Variants in WNT3A observed in about 807,000 individuals in gnomAD.
WNT3A encodes the protein Wnt family member 3A, also known as protein Wnt-3a.
In WNT3A, 17 loss-of-function variants were observed where a neutral mutation model predicts 37.0. The ratio of observed to expected loss-of-function variants is 0.46; its 90% CI spans 0.31 to 0.69. WNT3A has a LOEUF of 0.69. Among genes scored for constraint, WNT3A ranks in the 30% least tolerant of loss-of-function variants. WNT3A has a pLI of 0.05. For missense variants in WNT3A, 411 were observed against 510.2 expected, an observed-to-expected ratio of 0.81 and a Z score of 1.87; for synonymous variants, 187 against 211.0, an observed-to-expected ratio of 0.89 and a Z score of 0.99.
chr1:228,044,097 T>C (rs1431663412), intron 2 of WNT3A, among the ~76,000 whole-genome samples: 1 of 152,196 alleles, frequency 6.6e-6, no homozygotes, highest in African/African-American at 2.4e-5. Context: ...TCCTCCTGCC[T>C]CAGCGTCCCA....
rs2031208092 is a variant in WNT3A at position 228,038,903 on chromosome 1, C to A, written c.314-11753C>A. Among the ~76,000 whole-genome samples the A allele has an allele frequency of 6.6e-6, 1 of 152,110 alleles. No homozygotes were observed. The highest frequency in any genetic ancestry group is 2.4e-5 in the African/African-American group (1 of 41,414). On this transcript the variant is annotated intron_variant, in intron 2 of 3. Coordinates refer to ENST00000284523, the MANE Select transcript of WNT3A (RefSeq NM_033131.4). The surrounding 1 kb of genome is among the most constrained non-coding windows in gnomAD (Gnocchi z 5.7). ...CAGACCTGGGGAGAGAAGCTGGCTG[C>A]AGTAGGGTGCACTTGGGGGACAGAG... is the stretch of plus-strand genomic sequence containing the variant.
chr1:228,047,260 C>T (rs372578486), intron 2 of WNT3A, among the ~76,000 whole-genome samples: 13 of 152,128 alleles, frequency 8.5e-5, no homozygotes, highest in African/African-American at 3.1e-4. Context: ...TGCTGGGACC[C>T]GCCATCAGGG....
chr1:228,041,125 A>G (rs1033547286), intron 2 of WNT3A, among the ~76,000 whole-genome samples: 3 of 151,820 alleles, frequency 2.0e-5, no homozygotes, highest in African/African-American at 7.3e-5. Flanking sequence ...GTTAGTCCCC[A>G]GATGCTCTCT....
At chr1:228,021,579 T>G (rs75114636) in intron 1 of WNT3A, among the ~76,000 whole-genome samples, 9,027 of 152,252 alleles carry the variant, frequency 0.059, 390 homozygotes, top group Non-Finnish European at 0.094. Context: ...TTATTCACTC[T>G]CCTATTGACG....
At chr1:228,014,871 G>A (rs1285686758) in intron 1 of WNT3A, among the ~76,000 whole-genome samples, 1 of 152,228 alleles carries the variant, frequency 6.6e-6, no homozygotes, top group Non-Finnish European at 1.5e-5. Context: ...AGTGCTTGTG[G>A]GCTGGAGGCA....
chr1:228,050,859 CG>C lies in WNT3A; in HGVS notation c.520del (p.Glu174ArgfsTer10), dbSNP rs1248103771. ...GGTGTCTCGGGAGTTCGCCGACGCC[CG>C]GGAGAACCGGCCAGATGCCCGCTCA... ...GMVSREFADA[R>X]ENRPDARSAM... On this transcript the variant is annotated frameshift_variant, in exon 3 of 4. Transcript: ENST00000284523. LOFTEE classifies it high-confidence loss of function. This position sits in a 1 kb window ranked among gnomAD's most constrained non-coding sequence, Gnocchi z 5.0. The C allele has an allele frequency of 2.5e-6, 4 of 1,591,134 alleles. No individual in the cohort carries two copies. In the Admixed American group the frequency reaches 7.0e-5, roughly 28 times the overall value.
Position 228,059,267 on chromosome 1 carries a change from G to T in WNT3A, c.861G>T (p.Thr287=). The T allele has an allele frequency of 6.2e-7, 1 of 1,602,840 alleles. No individual in the cohort carries two copies. The change falls in exon 4 of 4, where the codon ACG becomes ACT. Residue 287 remains threonine, a synonymous_variant. Transcript: ENST00000284523. ...ACTTCTGCGAGCCCAACCCTGAGAC[G>T]GGCTCCTTCGGCACGCGCGACCGCA... ...SPNFCEPNPE[T]GSFGTRDRTC... is the part of the protein sequence containing the mutation.
Position 228,059,973 on chromosome 1 carries a change from G to T in WNT3A, c.*508G>T. 2.6e-6 allele frequency: 3 copies of T among 1,132,820 alleles called. No homozygotes were observed. The highest frequency in any genetic ancestry group is 1.9e-5 in the South Asian group (1 of 51,802). The allele number at this position is 1,132,820 out of a possible 1,614,324, so 70.2% of individuals were successfully genotyped here. ...CTGAGGGCGGAGCGCCTCCTTAGGA[G>T]TGGGGTTTTATGGTGGATGAGGCTT... On this transcript the variant is annotated 3_prime_UTR_variant, in exon 4 of 4. Transcript: ENST00000284523.
rs560305054 is a variant in WNT3A at position 228,060,449 on chromosome 1, C to T, written c.*984C>T. The T allele has an allele frequency of 9.6e-6, 5 of 519,688 alleles. No individual in the cohort carries two copies. The highest frequency in any genetic ancestry group is 1.4e-4 in the East Asian group (2 of 14,226). 32.2% of individuals were successfully genotyped at this position (519,688 alleles called of 1,614,324 possible). On this transcript the variant is annotated 3_prime_UTR_variant, in exon 4 of 4. Transcript: ENST00000284523. The stretch of plus-strand genomic sequence containing the variant: ...ACCACCCACCTGACCAGGGGCCCTA[C>T]CTGGGGAAAGCCTGAAGGGCCTCCC...
chr1:228,014,346 C>G (rs538633800), intron 1 of WNT3A, among the ~76,000 whole-genome samples: 2 of 152,226 alleles, frequency 1.3e-5, no homozygotes, highest in Non-Finnish European at 2.9e-5. Flanking sequence ...CCATGCCCAC[C>G]TTCCAGGCCT....
Position 228,060,043 on chromosome 1 carries a change from T to C in WNT3A, c.*578T>C, listed in dbSNP as rs1252715381. The C allele has an allele frequency of 1.7e-6, 2 of 1,190,372 alleles. No individual in the cohort carries two copies. The highest frequency in any genetic ancestry group is 1.1e-6 in the Non-Finnish European group (1 of 941,722). 73.7% of individuals were successfully genotyped at this position (1,190,372 alleles called of 1,614,324 possible). A position where few individuals can be genotyped will look rare whatever the true frequency, so the allele number is the denominator to read the frequency against. On this transcript the variant is annotated 3_prime_UTR_variant, in exon 4 of 4. Transcript: ENST00000284523. Reference sequence around the variant, plus strand: ...CTTCTCCTGACCAGGGCAAGGCCCCTTCCACGGGGGCTGTGGCTCTGGGTG... The same window carrying C: ...CTTCTCCTGACCAGGGCAAGGCCCCCTCCACGGGGGCTGTGGCTCTGGGTG...
At chr1:228,043,037 G>A (rs2031325800) in intron 2 of WNT3A, among the ~76,000 whole-genome samples, 1 of 151,900 alleles carries the variant, frequency 6.6e-6, no homozygotes, top group Non-Finnish European at 1.5e-5. Flanking sequence ...ATGGATGGAT[G>A]GATGATGCAC....
At chr1:228,009,059 G>A (rs1336672256) in intron 1 of WNT3A, among the ~76,000 whole-genome samples, 1 of 152,132 alleles carries the variant, frequency 6.6e-6, no homozygotes, top group Admixed American at 6.5e-5. Flanking sequence ...GGGAAGCGGG[G>A]CATAGAACCC....
At chr1:228,015,889 C>G (rs1385605728) in intron 1 of WNT3A, among the ~76,000 whole-genome samples, 1 of 152,122 alleles carries the variant, frequency 6.6e-6, no homozygotes, top group Admixed American at 6.5e-5. Flanking sequence ...CCTGGCCCTG[C>G]CTGCTGGCTG....
chr1:228,015,723 G>A (rs1488935140), intron 1 of WNT3A, among the ~76,000 whole-genome samples: 3 of 36,226 alleles, frequency 8.3e-5, no homozygotes, highest in Non-Finnish European at 1.8e-4. Flanking sequence ...CACCCCCGCC[G>A]CCCAAGTGCT....
At chr1:228,049,828 C>T (rs1471194087) in intron 2 of WNT3A, among the ~76,000 whole-genome samples, 1 of 152,156 alleles carries the variant, frequency 6.6e-6, no homozygotes, top group Non-Finnish European at 1.5e-5. Context: ...CTCTATCACC[C>T]ATGCTGGAGT....
intron 2 of WNT3A, among the ~76,000 whole-genome samples, chr1:228,048,880 C>A (rs1201521329): frequency 6.6e-6 from 1 of 152,178 alleles, no homozygotes; most frequent in Non-Finnish European, 1.5e-5. Flanking sequence ...AAGCCCACAC[C>A]ACCGCTCATT....
At chr1:228,011,156 AG>A (rs1558283024) in intron 1 of WNT3A, among the ~76,000 whole-genome samples, 1 of 152,220 alleles carries the variant, frequency 6.6e-6, no homozygotes. Context: ...GAAAGGGTGC[AG>A]GAGAGAAGGA....
At chr1:228,051,861 G>C (rs1159739094) in intron 3 of WNT3A, among the ~76,000 whole-genome samples, 1 of 152,134 alleles carries the variant, frequency 6.6e-6, no homozygotes, top group Admixed American at 6.5e-5. Context: ...GGCCAGAGCA[G>C]GAGCAAGGAA....
Sources: allele counts gnomAD v4.1 joint callset (sites outside exome capture counted in the v4.1 genomes callset), GRCh38; gene constraint gnomAD v4.1.1; non-coding constraint Gnocchi (gnomAD v3.1); transcripts MANE v1.5; gene names NCBI Gene and HGNC (gene_info 2026-07-23, HGNC 2026-07-21).